SDK2: variants seen among roughly 807,000 people sequenced by gnomAD.
SDK2 encodes sidekick cell adhesion molecule 2.
A neutral mutation model predicts 253.9 loss-of-function variants in SDK2; 105 were observed. That is an observed-to-expected ratio of 0.41 (90% CI 0.35 to 0.49). The LOEUF (loss-of-function observed/expected upper bound fraction) is 0.49. Among genes scored for constraint, SDK2 ranks in the 20% least tolerant of loss-of-function variants. The pLI, the probability that SDK2 is intolerant of heterozygous loss-of-function variation, is 0.06. For synonymous variants in SDK2, 1,249 were observed against 1,234.9 expected, an observed-to-expected ratio of 1.01 and a Z score of -0.24; for missense variants, 2,608 against 3,003.0, an observed-to-expected ratio of 0.87 and a Z score of 3.07.
rs74516082 is a variant in SDK2, at chr17:73,574,413, G to A, written c.65-66816C>T. Among the ~76,000 whole-genome samples the A allele has an allele frequency of 2.7e-3, 407 of 152,294 alleles. 1 individual carries two copies. Among genetic ancestry groups the A allele is most frequent in the Non-Finnish European group, 4.4e-3 (300 of 68,034 alleles). ...CAACCCTGATCACAGCTGACATCAC[G>A]TGCATGCACATGTGTACGTGCACAC... On this transcript the variant is annotated intron_variant, in intron 1 of 44. Coordinates refer to ENST00000392650, the MANE Select transcript of SDK2 (RefSeq NM_001144952.2).
intron 41 of SDK2, 138 bp from the exon 42 acceptor site, chr17:73,350,928 T>C (rs2062532375): frequency 4.6e-6 from 4 of 866,858 alleles, no homozygotes; most frequent in Admixed American, 5.6e-5. Flanking sequence ...GCAGAACCTC[T>C]GTAAGGACAG....
intron 1 of SDK2, among the ~76,000 whole-genome samples, chr17:73,587,486 T>C (rs1038497996): frequency 2.6e-5 from 4 of 152,248 alleles, no homozygotes; most frequent in African/African-American, 9.6e-5. Flanking sequence ...TCTCCAGCAA[T>C]TTCCCTTTGG....
chr17:73,340,224 A>G (rs1400535117), intron 44 of SDK2, among the ~76,000 whole-genome samples: 1 of 152,212 alleles, frequency 6.6e-6, no homozygotes, highest in Non-Finnish European at 1.5e-5. Context: ...GAACCATTCT[A>G]AAGTCTATGA....
intron 5 of SDK2, among the ~76,000 whole-genome samples, chr17:73,444,206 A>G (rs542175777): frequency 6.6e-6 from 1 of 152,276 alleles, no homozygotes; most frequent in African/African-American, 2.4e-5. Flanking sequence ...TGGGAGTCGC[A>G]GGCTCGGGGA....
At position 73,639,017 on chromosome 17, in the gene SDK2, C is replaced by G. The variant is rs1446096383; in HGVS notation, c.64+5008G>C. Among the ~76,000 whole-genome samples the G allele has an allele frequency of 5.3e-5, 8 of 152,078 alleles. No individual in the cohort carries two copies. The highest frequency in any genetic ancestry group is 1.2e-4 in the Non-Finnish European group (8 of 68,018). ...TAGAGATGGGGTTTCCCCACGTTGGCCAGGCTGGTCTCGAACTCCTGACCT... is the reference window on the plus strand; with the variant it reads ...TAGAGATGGGGTTTCCCCACGTTGGGCAGGCTGGTCTCGAACTCCTGACCT... On this transcript the variant is annotated intron_variant, in intron 1 of 44. Transcript: ENST00000392650. The surrounding 1 kb of genome is among the most constrained non-coding windows in gnomAD (Gnocchi z 4.3).
rs80008043 is a variant in SDK2, at chr17:73,609,591, G to A, written c.64+34434C>T. ...TGCAGTGGAAGCTGACAGGGAAAAC[G>A]GCTCAAGAGAAGGTTTGTTTTTTCA... On this transcript the variant is annotated intron_variant, in intron 1 of 44. Transcript: ENST00000392650. The surrounding 1 kb of genome is among the most constrained non-coding windows in gnomAD (Gnocchi z 4.4). Among the ~76,000 whole-genome samples the A allele has an allele frequency of 2.0e-5, 3 of 152,302 alleles. No homozygotes were observed. Among genetic ancestry groups the A allele is most frequent in the East Asian group, 1.9e-4 (1 of 5,188 alleles).
intron 1 of SDK2, among the ~76,000 whole-genome samples, chr17:73,626,086 G>A (rs1166212208): frequency 6.6e-6 from 1 of 152,222 alleles, no homozygotes. Flanking sequence ...AGCCGTCTCT[G>A]GGCAGGCTGC....
chr17:73,389,329 A>G (rs7224325), intron 29 of SDK2, among the ~76,000 whole-genome samples: 15,429 of 146,280 alleles, frequency 0.11, 1,302 homozygotes, highest in East Asian at 0.27. Flanking sequence ...GGTTACTGAC[A>G]TGTGCCACCA....
At chr17:73,404,569 C>A (rs964443616) in intron 18 of SDK2, among the ~76,000 whole-genome samples, 7 of 152,182 alleles carry the variant, frequency 4.6e-5, no homozygotes, top group African/African-American at 1.7e-4. Context: ...GGTTAAGGAG[C>A]TTGCACATGG....
chr17:73,614,788 T>TTGAAAAGGGGGAGGGAGGGGGACAAGGAG (rs2046030741), intron 1 of SDK2, among the ~76,000 whole-genome samples: 1 of 103,632 alleles, frequency 9.6e-6, no homozygotes, highest in Non-Finnish European at 1.9e-5. Flanking sequence ...GGGACAAGGA[T>TTGAAAAGGGGGAGGGAGGGGGACAAGGAG]TGAAAAGGGG....
chr17:73,353,587 C>T (rs770417440), intron 40 of SDK2, among the ~76,000 whole-genome samples: 4 of 151,768 alleles, frequency 2.6e-5, no homozygotes, highest in Non-Finnish European at 4.4e-5. Context: ...TTAGTAGAGA[C>T]GGGGTTTCTC....
At chr17:73,365,486 G>T in intron 37 of SDK2, 91 bp from the exon 38 acceptor site, 2 of 1,362,050 alleles carry the variant, frequency 1.5e-6, no homozygotes, top group Non-Finnish European at 2.0e-6. Flanking sequence ...GGAGTATTGG[G>T]TCTGAGCCCG....
At chr17:73,557,342 G>C (rs570346135) in intron 1 of SDK2, among the ~76,000 whole-genome samples, 1 of 150,890 alleles carries the variant, frequency 6.6e-6, no homozygotes, top group African/African-American at 2.4e-5. Context: ...CTTGCCTGTC[G>C]CCCAGGCTGG....
At chr17:73,340,663 C>G (rs1277323155) in intron 44 of SDK2, among the ~76,000 whole-genome samples, 1 of 148,400 alleles carries the variant, frequency 6.7e-6, no homozygotes, top group African/African-American at 2.5e-5. Context: ...AAAAACAACA[C>G]TTGGTTACAA....
Position 73,644,260 on chromosome 17 carries a change from C to T in SDK2, c.-172G>A, listed in dbSNP as rs1294087830. On this transcript the variant is annotated 5_prime_UTR_variant, in exon 1 of 45. Transcript: ENST00000392650. The surrounding 1 kb of genome is among the most constrained non-coding windows in gnomAD (Gnocchi z 6.3). Reference sequence around the variant, plus strand: ...GGGGCAGCGCTTGGCTACCCCAACCCTTCCTCCTCTTCTGTACTAGTCCGA... The same window carrying T: ...GGGGCAGCGCTTGGCTACCCCAACCTTTCCTCCTCTTCTGTACTAGTCCGA... Among the ~76,000 whole-genome samples the T allele has an allele frequency of 6.6e-6, 1 of 152,190 alleles. No individual in the cohort carries two copies. The highest frequency in any genetic ancestry group is 1.9e-4 in the East Asian group (1 of 5,170).
intron 1 of SDK2, among the ~76,000 whole-genome samples, chr17:73,620,754 C>T (rs1300866563): frequency 6.6e-6 from 1 of 152,134 alleles, no homozygotes; most frequent in Admixed American, 6.5e-5. Flanking sequence ...TAAAAGAAGC[C>T]AGATACAAAA....
In SDK2 at chr17:73,550,363, T is replaced by C. The variant is rs145846593; in HGVS notation, c.65-42766A>G. Among the ~76,000 whole-genome samples the C allele has an allele frequency of 4.9e-3, 749 of 152,284 alleles. 7 individuals are homozygous for C. Among genetic ancestry groups the C allele is most frequent in the African/African-American group, 0.017 (719 of 41,556 alleles). On this transcript the variant is annotated intron_variant, in intron 1 of 44. Coordinates refer to ENST00000392650, the MANE Select transcript of SDK2 (RefSeq NM_001144952.2). Reference sequence around the variant, plus strand: ...AGGGACCCCTAACCTGCTAGCCCTTTGTCCCGCTGGGAAAATAGCTCAATT... The same window carrying C: ...AGGGACCCCTAACCTGCTAGCCCTTCGTCCCGCTGGGAAAATAGCTCAATT...
In SDK2 at chr17:73,338,576, C is replaced by T. The variant is rs1191080920; in HGVS notation, c.*11G>A. 5 of 1,477,224 alleles carry T rather than the reference C, an allele frequency of 3.4e-6. No homozygotes were observed. In the East Asian group the frequency reaches 6.8e-5, roughly 20 times the overall value. The allele number at this position is 1,477,224 out of a possible 1,614,324, so 91.5% of individuals were successfully genotyped here. The stretch of plus-strand genomic sequence containing the variant: ...GTGCCATTTCTCTTTCTGCTTTTTC[C>T]TCTTCTGATGTCAAACAAATGATGA... On this transcript the variant is annotated 3_prime_UTR_variant, in exon 45 of 45. Coordinates refer to ENST00000392650, the MANE Select transcript of SDK2 (RefSeq NM_001144952.2). The surrounding 1 kb of genome is among the most constrained non-coding windows in gnomAD (Gnocchi z 5.0).
chr17:73,636,764 G>A (rs550126295), intron 1 of SDK2, among the ~76,000 whole-genome samples: 33 of 150,024 alleles, frequency 2.2e-4, no homozygotes, highest in Non-Finnish European at 5.9e-5. Flanking sequence ...GAAATATACA[G>A]CAAAGATACC....
Sources: gnomAD v4.1 joint callset for allele counts (sites outside exome capture counted in the v4.1 genomes callset) on GRCh38, gnomAD v4.1.1 for gene constraint, Gnocchi (gnomAD v3.1) non-coding constraint, MANE v1.5 for transcripts, NCBI Gene and HGNC (gene_info 2026-07-23, HGNC 2026-07-21) for gene names.